Variants in ENPEP observed in about 807,000 individuals in gnomAD.
ENPEP encodes AP-A.
ENPEP carries 103 observed loss-of-function variants against 114.5 expected under a neutral mutation model. The observed-to-expected ratio is 0.90, with a 90% CI of 0.77 to 1.06. The LOEUF is 1.06. ENPEP is among the 50% of genes least tolerant of loss of function. The probability of loss-of-function intolerance (pLI) is 0.00; values close to 1 mark genes in which losing one functional copy is unlikely to be tolerated. For synonymous variants in ENPEP, 420 were observed against 422.0 expected (o/e 1.00, Z 0.06); for missense variants, 1,196 against 1,161.3 (o/e 1.03, Z -0.43).
chr4:110,488,859 G>C (rs1411325602), intron 2 of ENPEP, among the ~76,000 whole-genome samples, 177 bp downstream of exon 2: 1 of 152,192 alleles, frequency 6.6e-6, no homozygotes, highest in African/African-American at 2.4e-5. Context: ...CTAGAAGTCT[G>C]TAAGGTATCA....
At chr4:110,559,615 T>C in intron 18 of ENPEP, 32 bp from the exon 19 acceptor site, 1 of 1,461,142 alleles carries the variant, frequency 6.8e-7, no homozygotes, top group Non-Finnish European at 9.6e-7. Context: ...TCTGAGCACT[T>C]ACACTTCCTT....
intron 1 of ENPEP, among the ~76,000 whole-genome samples, chr4:110,484,601 G>A (rs551625577): frequency 7.3e-5 from 11 of 151,676 alleles, no homozygotes; most frequent in Non-Finnish European, 1.3e-4. Context: ...TTCCATGTCC[G>A]TTGGCAAGCT....
chr4:110,559,257 C>T (rs1321073321), intron 18 of ENPEP: 2 of 160,298 alleles, frequency 1.2e-5, no homozygotes, highest in Non-Finnish European at 2.7e-5. Context: ...TTTATTTAAG[C>T]AAGGAAGCTG....
intron 8 of ENPEP, chr4:110,519,638 A>C: frequency 5.3e-6 from 1 of 188,146 alleles, no homozygotes; most frequent in Non-Finnish European, 1.1e-5. Flanking sequence ...CACCACCACC[A>C]CCATCATCAT....
chr4:110,517,695 A>G (rs1316284973), intron 8 of ENPEP, among the ~76,000 whole-genome samples: 1 of 152,212 alleles, frequency 6.6e-6, no homozygotes, highest in Non-Finnish European at 1.5e-5. Flanking sequence ...TTTAACTGTG[A>G]TCACAGATGG....
At chr4:110,526,994 T>G (rs1033755892) in intron 10 of ENPEP, among the ~76,000 whole-genome samples, 4 of 152,194 alleles carry the variant, frequency 2.6e-5, no homozygotes, top group African/African-American at 9.7e-5. Flanking sequence ...CGTAGCCATA[T>G]TTATTCAGAA....
Position 110,476,398 on chromosome 4 carries a change from T to G in ENPEP, c.-17T>G. On this transcript the variant is annotated 5_prime_UTR_variant, in exon 1 of 20. An upstream open reading frame in the 5' UTR loses its in-frame stop. Transcript: ENST00000265162. The stretch of plus-strand genomic sequence containing the variant: ...TTAACATCTTTTTATGTGTAACACT[T>G]GACTTTGGAAGCAAAAATGAACTTT... The G allele has an allele frequency of 6.6e-7, 1 of 1,510,334 alleles. No individual in the cohort carries two copies. Among genetic ancestry groups the G allele is most frequent in the Non-Finnish European group, 8.9e-7 (1 of 1,128,304 alleles). 93.6% of individuals were successfully genotyped at this position (1,510,334 alleles called of 1,614,324 possible).
At position 110,488,605 on chromosome 4, in the gene ENPEP, C is replaced by G. The variant is rs749024066; in HGVS notation, c.709C>G (p.Pro237Ala). The G allele has an allele frequency of 2.5e-6, 4 of 1,613,842 alleles. No individual in the cohort carries two copies. The South Asian group carries it at 4.4e-5, about 18-fold the overall frequency. The change falls in exon 2 of 20, where the codon CCC (proline) becomes GCC (alanine). Residue 237 changes from proline to alanine, a missense_variant. Pro to Ala is a conservative substitution (Grantham distance 27, BLOSUM62 -1). Coordinates refer to ENST00000265162, the MANE Select transcript of ENPEP (RefSeq NM_001977.4). ...GAAATCTTTTCCTTGTTTTGATGAGCCCAACAAAAAGGCAACTTATACAAT... is the reference window on the plus strand; with the variant it reads ...GAAATCTTTTCCTTGTTTTGATGAGGCCAACAAAAAGGCAACTTATACAAT... ...ARKSFPCFDEPNKKATYTISI... is the reference protein window; with the variant it reads ...ARKSFPCFDEANKKATYTISI...
At position 110,486,742 on chromosome 4, in the gene ENPEP, A is replaced by C. The variant is rs116256924; in HGVS notation, c.645-1799A>C. Among the ~76,000 whole-genome samples, 508 of 152,262 alleles carry C rather than the reference A, an allele frequency of 3.3e-3. 3 individuals carry two copies. Among genetic ancestry groups the C allele is most frequent in the African/African-American group, 0.012 (491 of 41,530 alleles). On this transcript the variant is annotated intron_variant, in intron 1 of 19. Coordinates refer to ENST00000265162, the MANE Select transcript of ENPEP (RefSeq NM_001977.4). The stretch of plus-strand genomic sequence containing the variant: ...AGTCTGGAATCTTATCTATACATGT[A>C]ACTGCCCAGTGGGTTCACCTTGCCC...
intron 2 of ENPEP, 93 bp downstream of exon 2, chr4:110,488,775 T>A: frequency 6.8e-7 from 1 of 1,473,470 alleles, no homozygotes; most frequent in South Asian, 1.4e-5. Flanking sequence ...ACCCATTGAA[T>A]TCTAAAACTA....
At chr4:110,509,182 G>A (rs1328941253) in intron 4 of ENPEP, among the ~76,000 whole-genome samples, 3 of 152,034 alleles carry the variant, frequency 2.0e-5, no homozygotes, top group African/African-American at 7.2e-5. Context: ...CTATTAGATT[G>A]GTATTTCTAT....
In ENPEP at chr4:110,561,445, G is replaced by C; in HGVS notation, c.2761G>C (p.Gly921Arg). The change falls in exon 20 of 20, where the codon GGA becomes CGA. Residue 921 changes from glycine (G) to arginine (R), a missense_variant. Gly to Arg is a moderately radical substitution (Grantham distance 125). Coordinates refer to ENST00000265162, the MANE Select transcript of ENPEP (RefSeq NM_001977.4). ...TGCAAAATATCCACAAGCTGGAGCAGGAGAAAAACCTAGGGAACAAGTGCT... is the reference window on the plus strand; with the variant it reads ...TGCAAAATATCCACAAGCTGGAGCACGAGAAAAACCTAGGGAACAAGTGCT... ...FFAKYPQAGA[G>R]EKPREQVLET... 7 of 1,613,940 alleles carry C rather than the reference G, an allele frequency of 4.3e-6. No individual in the cohort carries two copies. Among genetic ancestry groups the C allele is most frequent in the Non-Finnish European group, 5.9e-6 (7 of 1,179,932 alleles).
At chr4:110,512,413 A>G (rs1036942917) in intron 6 of ENPEP, 1 of 152,206 alleles carries the variant, frequency 6.6e-6, no homozygotes, top group African/African-American at 2.4e-5. Context: ...TACTCACCAT[A>G]CTTAAACTTC....
At chr4:110,533,616 C>T (rs1726492198) in intron 11 of ENPEP, among the ~76,000 whole-genome samples, 1 of 151,858 alleles carries the variant, frequency 6.6e-6, no homozygotes, top group Non-Finnish European at 1.5e-5. Context: ...AGTTCAGAGG[C>T]TAAGGATAGA....
intron 11 of ENPEP, among the ~76,000 whole-genome samples, chr4:110,534,509 T>TTTC (rs2110378176): frequency 7.1e-6 from 1 of 140,566 alleles, no homozygotes; most frequent in African/African-American, 2.6e-5. Flanking sequence ...TGTTTCTTTT[T>TTTC]TTTTTTTTTT....
intron 1 of ENPEP, among the ~76,000 whole-genome samples, chr4:110,478,936 TA>T (rs1395491003): frequency 6.6e-6 from 1 of 152,244 alleles, no homozygotes; most frequent in African/African-American, 2.4e-5. Flanking sequence ...GTCCTAAAAA[TA>T]GAATTGCTGG....
chr4:110,512,648 A>G (rs1280649237), intron 6 of ENPEP: 2 of 152,230 alleles, frequency 1.3e-5, no homozygotes, highest in African/African-American at 4.8e-5. Context: ...ACTGCTTAAG[A>G]GTCAAAATAA....
chr4:110,479,566 T>C (rs772501618), intron 1 of ENPEP, among the ~76,000 whole-genome samples: 1 of 152,128 alleles, frequency 6.6e-6, no homozygotes, highest in Non-Finnish European at 1.5e-5. Context: ...CCAAAAAATA[T>C]GTCCCAAACT....
chr4:110,560,822 A>G (rs1043559683), intron 19 of ENPEP, among the ~76,000 whole-genome samples: 1 of 152,224 alleles, frequency 6.6e-6, no homozygotes, highest in Non-Finnish European at 1.5e-5. Context: ...TGAAGTTTCA[A>G]TATCTGTGTG....
Sources: allele counts gnomAD v4.1 joint callset (sites outside exome capture counted in the v4.1 genomes callset), GRCh38; gene constraint gnomAD v4.1.1; transcripts MANE v1.5; gene names NCBI Gene and HGNC (gene_info 2026-07-23, HGNC 2026-07-21).